The following STIMATE variants were observed in gnomAD, a reference collection of about 807,000 sequenced individuals.
The protein encoded by STIMATE is store-operated calcium entry regulator STIMATE.
In STIMATE, 15 loss-of-function variants were observed where a neutral mutation model predicts 36.7. The ratio of observed to expected loss-of-function variants is 0.41; its 90% CI spans 0.27 to 0.63. The LOEUF (loss-of-function observed/expected upper bound fraction) is 0.63. Among genes scored for constraint, STIMATE ranks in the 20% least tolerant of loss-of-function variants. The pLI, the probability that STIMATE is intolerant of heterozygous loss-of-function variation, is 0.32. For missense variants in STIMATE, 305 were observed against 397.3 expected (o/e 0.77, Z 1.98); for synonymous variants, 163 against 162.3 (o/e 1.00, Z -0.03).
chr3:52,872,397 A>G (rs981980375), intron 1 of STIMATE, among the ~76,000 whole-genome samples: 1 of 152,178 alleles, frequency 6.6e-6, no homozygotes, highest in Non-Finnish European at 1.5e-5. Context: ...TCAATTCAAC[A>G]AGTTTCATGA....
chr3:52,858,348 A>C (rs1701144695), intron 1 of STIMATE, among the ~76,000 whole-genome samples: 1 of 152,236 alleles, frequency 6.6e-6, no homozygotes, highest in East Asian at 1.9e-4. Context: ...TTCAAAGGTC[A>C]ACATGGGCTG....
At chr3:52,897,194 C>G (rs1250432837) in intron 1 of STIMATE, 97 bp downstream of exon 1, 1 of 1,450,250 alleles carries the variant, frequency 6.9e-7, no homozygotes, top group Non-Finnish European at 9.1e-7. Flanking sequence ...AATTCGGGTC[C>G]CAAGGCCTGA....
intron 1 of STIMATE, among the ~76,000 whole-genome samples, chr3:52,875,971 T>A (rs1000185018): frequency 6.6e-6 from 1 of 152,200 alleles, no homozygotes; most frequent in Non-Finnish European, 1.5e-5. Flanking sequence ...TCACCTGACA[T>A]GATCCCCAAC....
At chr3:52,888,094 C>A (rs1479270065) in intron 1 of STIMATE, among the ~76,000 whole-genome samples, 1 of 127,964 alleles carries the variant, frequency 7.8e-6, no homozygotes, top group African/African-American at 3.0e-5. Context: ...AGAAAAAAAA[C>A]ACTTGAATCT....
At chr3:52,856,056 C>T (rs1465856968) in intron 1 of STIMATE, among the ~76,000 whole-genome samples, 4 of 152,188 alleles carry the variant, frequency 2.6e-5, no homozygotes, top group Non-Finnish European at 4.4e-5. Context: ...GGGGGACGGT[C>T]AAGCCAAGCC....
chr3:52,843,643 C>G lies in STIMATE; in HGVS notation c.618+78G>C, dbSNP rs900992493. On this transcript the variant is annotated intron_variant, in intron 6 of 7. Coordinates refer to ENST00000355083, the MANE Select transcript of STIMATE (RefSeq NM_198563.5). ...GACCTGAGGGCTACAGGTGAGCTTTCTGTCAGACTCAGAACTTTGGACAGG... is the reference window on the plus strand; with the variant it reads ...GACCTGAGGGCTACAGGTGAGCTTTGTGTCAGACTCAGAACTTTGGACAGG... The G allele has an allele frequency of 1.3e-5, 21 of 1,608,426 alleles. No individual in the cohort carries two copies. In the Admixed American group the frequency reaches 2.0e-4, roughly 15 times the overall value.
At chr3:52,865,216 A>G (rs988495951) in intron 1 of STIMATE, among the ~76,000 whole-genome samples, 1 of 152,186 alleles carries the variant, frequency 6.6e-6, no homozygotes, top group Non-Finnish European at 1.5e-5. Flanking sequence ...AAGTGCTGGG[A>G]TTACAAGCGT....
In STIMATE at chr3:52,842,893, T is replaced by A. The variant is rs1334987918; in HGVS notation, c.686A>T (p.Glu229Val). The A allele has an allele frequency of 6.2e-7, 1 of 1,614,236 alleles. No homozygotes were observed. Among genetic ancestry groups the A allele is most frequent in the Admixed American group, 1.7e-5 (1 of 60,036 alleles). Residue 229 changes from glutamate (E) to valine (V), a missense_variant, in exon 7 of 8, where the codon GAA becomes GTA. Transcript: ENST00000355083. ...CCTCGAGTCCTGGTTGGCTCCCCTT[T>A]CTTCTAGCTTAGCTTTCGTCTTCCC... ...RKGKTKAKLEERGANQDSRNG... is the reference protein window; with the variant it reads ...RKGKTKAKLEVRGANQDSRNG...
intron 4 of STIMATE, among the ~76,000 whole-genome samples, chr3:52,845,355 T>C (rs1026802739): frequency 8.5e-5 from 13 of 152,164 alleles, no homozygotes; most frequent in African/African-American, 2.9e-4. Context: ...TGTCCATGAG[T>C]GGACTGATGT....
intron 1 of STIMATE, among the ~76,000 whole-genome samples, chr3:52,856,388 G>C (rs1300653489): frequency 6.6e-6 from 1 of 152,180 alleles, no homozygotes; most frequent in Non-Finnish European, 1.5e-5. Context: ...GTTTTAGAAA[G>C]GCAGCTCTAT....
At chr3:52,846,283 A>G (rs1700898846) in intron 4 of STIMATE, among the ~76,000 whole-genome samples, 1 of 152,216 alleles carries the variant, frequency 6.6e-6, no homozygotes, top group Non-Finnish European at 1.5e-5. Flanking sequence ...TCATAAGCAT[A>G]ATCCCTCCTT....
intron 1 of STIMATE, among the ~76,000 whole-genome samples, chr3:52,885,385 C>T (rs1357823301): frequency 6.6e-6 from 1 of 152,096 alleles, no homozygotes; most frequent in Non-Finnish European, 1.5e-5. Flanking sequence ...TTGTATATGG[C>T]TTCAAGGCTT....
rs911903825 is a variant in STIMATE at position 52,840,402 on chromosome 3, G to A, written c.*92C>T. On this transcript the variant is annotated 3_prime_UTR_variant, in exon 8 of 8. Transcript: ENST00000355083. ...AAGAGGAGCAGAGGTAGAAAGGAAG[G>A]GCAGAGAGAGGGTAAGGAACGATGC... The A allele has an allele frequency of 1.5e-6, 2 of 1,358,420 alleles. No homozygotes were observed. Among genetic ancestry groups the A allele is most frequent in the Non-Finnish European group, 1.0e-6 (1 of 976,376 alleles). 84.1% of individuals were successfully genotyped at this position (1,358,420 alleles called of 1,614,324 possible).
intron 1 of STIMATE, among the ~76,000 whole-genome samples, chr3:52,890,613 C>A (rs1701767905): frequency 6.6e-6 from 1 of 152,222 alleles, no homozygotes; most frequent in Admixed American, 6.5e-5. Context: ...CTGAAAAACT[C>A]TGGATTCAAT....
intron 1 of STIMATE, among the ~76,000 whole-genome samples, chr3:52,892,530 AT>A (rs1387596467): frequency 6.6e-6 from 1 of 152,186 alleles, no homozygotes; most frequent in Admixed American, 6.5e-5. Context: ...AGCGACACTG[AT>A]TGAGTTTGTG....
intron 1 of STIMATE, among the ~76,000 whole-genome samples, chr3:52,862,200 C>G (rs1701228932): frequency 6.6e-6 from 1 of 152,224 alleles, no homozygotes; most frequent in Admixed American, 6.5e-5. Context: ...ACTCAGCTGT[C>G]AATCTCCCCT....
At chr3:52,843,021 C>T in intron 6 of STIMATE, 61 bp from the exon 7 acceptor site, 2 of 1,607,326 alleles carry the variant, frequency 1.2e-6, no homozygotes, top group South Asian at 2.2e-5. Flanking sequence ...CAAAGCCGAA[C>T]AGCCCCCATC....
intron 1 of STIMATE, among the ~76,000 whole-genome samples, chr3:52,861,909 T>C (rs1225882661): frequency 6.6e-6 from 1 of 152,116 alleles, no homozygotes; most frequent in African/African-American, 2.4e-5. Flanking sequence ...TGTTCTCCTC[T>C]ATCTCCCGTG....
chr3:52,844,826 A>C lies in STIMATE; in HGVS notation c.540+3T>G. The stretch of plus-strand genomic sequence containing the variant: ...GAGCTGCTCATGCAGGGACGAAGCA[A>C]ACCTTTTTCCACTGAAGTATTAGGA... On this transcript the variant is annotated splice_donor_region_variant and intron_variant, in intron 5 of 7. Coordinates refer to ENST00000355083, the MANE Select transcript of STIMATE (RefSeq NM_198563.5). 6.2e-7 allele frequency: 1 copy of C among 1,613,806 alleles called. No homozygotes were observed. The highest frequency in any genetic ancestry group is 8.5e-7 in the Non-Finnish European group (1 of 1,179,726).
Sources: allele counts gnomAD v4.1 joint callset (sites outside exome capture counted in the v4.1 genomes callset), GRCh38; gene constraint gnomAD v4.1.1; transcripts MANE v1.5; gene names NCBI Gene and HGNC (gene_info 2026-07-23, HGNC 2026-07-21).